EFCAB8: variants seen among roughly 807,000 people sequenced by gnomAD.
The protein encoded by EFCAB8 is EF-hand calcium binding domain 8.
A neutral mutation model predicts 116.3 loss-of-function variants in EFCAB8; 100 were observed. That is an observed-to-expected ratio of 0.86 (90% CI 0.73 to 1.02). The LOEUF (loss-of-function observed/expected upper bound fraction) is 1.02, where lower values mean the gene tolerates loss of function less well. EFCAB8 is among the 50% of genes least tolerant of loss of function. The pLI is 0.00. For missense variants in EFCAB8, 1,320 were observed against 1,416.9 expected (o/e 0.93, Z 1.10); for synonymous variants, 558 against 567.9 (o/e 0.98, Z 0.25).
In EFCAB8 at chr20:32,955,455, G is replaced by A. The variant is rs190591592; in HGVS notation, c.2960-2966G>A. Reference sequence around the variant, plus strand: ...CTCAGGAGGCTGAGGCAGGAGGATCGCTAGAGCCCAGGTGTTTGAGGTTGC... The same window carrying A: ...CTCAGGAGGCTGAGGCAGGAGGATCACTAGAGCCCAGGTGTTTGAGGTTGC... On this transcript the variant is annotated intron_variant, in intron 23 of 26. Coordinates refer to ENST00000400522, the MANE Select transcript of EFCAB8 (RefSeq NM_001143967.2). Among the ~76,000 whole-genome samples, 9 of 152,270 alleles carry A rather than the reference G, an allele frequency of 5.9e-5. No homozygotes were observed. The East Asian group carries it at 1.3e-3, about 23-fold the overall frequency.
In EFCAB8 at chr20:32,893,240, C is replaced by T. The variant is rs928272996; in HGVS notation, c.825C>T (p.Ser275=). 57 of 1,551,898 alleles carry T rather than the reference C, an allele frequency of 3.7e-5. No individual in the cohort carries two copies. The highest frequency in any genetic ancestry group is 1.7e-4 in the Middle Eastern group (1 of 6,014). Residue 275 remains serine, a synonymous_variant, in exon 9 of 27, where the codon TCC becomes TCT. Coordinates refer to ENST00000400522, the MANE Select transcript of EFCAB8 (RefSeq NM_001143967.2). ...DAKGNVIVFT[S]ENMTSGLFNP... is the part of the protein sequence containing the mutation. ...AAGGCAACGTCATTGTCTTCACCTC[C>T]GAAAACATGACCAGTGGGCTGTTCA...
At chr20:32,954,822 T>C (rs1988913886) in intron 23 of EFCAB8, among the ~76,000 whole-genome samples, 8 of 152,206 alleles carry the variant, frequency 5.3e-5, no homozygotes, top group Admixed American at 5.2e-4. Flanking sequence ...CTTTATCCTG[T>C]TGATGTGGTA....
chr20:32,889,064 C>T (rs922455730), intron 6 of EFCAB8, among the ~76,000 whole-genome samples: 4 of 151,914 alleles, frequency 2.6e-5, no homozygotes, highest in African/African-American at 9.7e-5. Flanking sequence ...TGAGACTGCT[C>T]CAGAAAGGGG....
rs758082123 is a variant in EFCAB8, at chr20:32,885,653, C to T, written c.567+13C>T. ...GAGCTCCTTTAGGGTGAGTGGGGCC[C>T]CTACACATGGTGCACACATGGGTGA... is the stretch of plus-strand genomic sequence containing the variant. On this transcript the variant is annotated intron_variant, in intron 6 of 26. Transcript: ENST00000400522. 9.0e-6 allele frequency: 14 copies of T among 1,551,508 alleles called. No homozygotes were observed. In the African/African-American group the frequency reaches 1.5e-4, roughly 17 times the overall value.
At chr20:32,896,134 G>C (rs1451671007) in intron 9 of EFCAB8, among the ~76,000 whole-genome samples, 3 of 152,170 alleles carry the variant, frequency 2.0e-5, no homozygotes, top group African/African-American at 7.2e-5. Context: ...AGCAAAGATG[G>C]AGCTCCCTAA....
At chr20:32,907,703 C>T (rs1330354779) in intron 13 of EFCAB8, among the ~76,000 whole-genome samples, 1 of 152,196 alleles carries the variant, frequency 6.6e-6, no homozygotes, top group Non-Finnish European at 1.5e-5. Context: ...GGATCATCGC[C>T]TCTGATGAAG....
intron 9 of EFCAB8, among the ~76,000 whole-genome samples, chr20:32,895,044 T>G (rs577624346): frequency 7.5e-4 from 114 of 152,372 alleles, no homozygotes; most frequent in African/African-American, 2.7e-3. Context: ...CCTTGCTGTC[T>G]CTTCCCTCCT....
At chr20:32,874,439 G>A (rs1984845927) in intron 3 of EFCAB8, among the ~76,000 whole-genome samples, 1 of 152,086 alleles carries the variant, frequency 6.6e-6, no homozygotes, top group African/African-American at 2.4e-5. Context: ...TCCCAGCCTG[G>A]TCTTGAACTC....
At chr20:32,870,658 C>G (rs1182231955) in intron 3 of EFCAB8, among the ~76,000 whole-genome samples, 1 of 151,884 alleles carries the variant, frequency 6.6e-6, no homozygotes, top group Non-Finnish European at 1.5e-5. Flanking sequence ...GCCACAATAC[C>G]TGGGTAATTT....
chr20:32,924,560 A>C (rs917727517), intron 20 of EFCAB8, among the ~76,000 whole-genome samples: 1 of 152,218 alleles, frequency 6.6e-6, no homozygotes, highest in Admixed American at 6.5e-5. Flanking sequence ...AATGAGGTGA[A>C]GTGACTTGCC....
At chr20:32,917,709 G>A (rs768685204) in intron 18 of EFCAB8, among the ~76,000 whole-genome samples, 1 of 152,170 alleles carries the variant, frequency 6.6e-6, no homozygotes, top group Non-Finnish European at 1.5e-5. Flanking sequence ...GGCACACGGA[G>A]ATGAAGCACC....
At chr20:32,878,645 C>T (rs1457393747) in intron 4 of EFCAB8, 59 bp from the exon 5 acceptor site, 1 of 1,382,226 alleles carries the variant, frequency 7.2e-7, no homozygotes. Flanking sequence ...GTTCTTGAAA[C>T]TGAAGGCTGA....
intron 19 of EFCAB8, among the ~76,000 whole-genome samples, chr20:32,919,659 G>C (rs1380837513): frequency 6.6e-6 from 1 of 151,996 alleles, no homozygotes; most frequent in Non-Finnish European, 1.5e-5. Flanking sequence ...ACTATGCCTG[G>C]CTAAATTTTT....
chr20:32,860,169 A>G lies in EFCAB8; in HGVS notation c.-11+1163A>G, dbSNP rs576917335. ...CTAAAAATACGAAAGTTAGCTGGGCATGGTGGCGTGCACCTATAATCCCAG... is the reference window on the plus strand; with the variant it reads ...CTAAAAATACGAAAGTTAGCTGGGCGTGGTGGCGTGCACCTATAATCCCAG... On this transcript the variant is annotated intron_variant, in intron 1 of 26. Transcript: ENST00000400522. Among the ~76,000 whole-genome samples, 14 of 152,296 alleles carry G rather than the reference A, an allele frequency of 9.2e-5. 1 individual carries two copies. In the East Asian group the frequency reaches 2.7e-3, roughly 29 times the overall value.
chr20:32,903,581 T>C (rs1399846143), intron 11 of EFCAB8: 2 of 152,246 alleles, frequency 1.3e-5, no homozygotes, highest in Non-Finnish European at 2.9e-5. Context: ...AACATTTTGG[T>C]GACCATTCTT....
At chr20:32,955,118 A>T (rs986616492) in intron 23 of EFCAB8, among the ~76,000 whole-genome samples, 6 of 152,158 alleles carry the variant, frequency 3.9e-5, no homozygotes, top group Admixed American at 3.9e-4. Flanking sequence ...GTGGAGATAG[A>T]GCTGTATGAT....
At chr20:32,912,495 C>G (rs1300603178) in intron 16 of EFCAB8, among the ~76,000 whole-genome samples, 1 of 151,410 alleles carries the variant, frequency 6.6e-6, no homozygotes, top group East Asian at 1.9e-4. Flanking sequence ...GGGTTGAGTA[C>G]TGCTCCAGAT....
At chr20:32,906,491 G>T in intron 11 of EFCAB8, 71 bp from the exon 12 acceptor site, 2 of 714,758 alleles carry the variant, frequency 2.8e-6, no homozygotes, top group Non-Finnish European at 5.2e-6. Context: ...TCCCACCCCA[G>T]GCTCAGTCTC....
At chr20:32,912,590 T>TA (rs1257041785) in intron 16 of EFCAB8, among the ~76,000 whole-genome samples, 1 of 152,130 alleles carries the variant, frequency 6.6e-6, no homozygotes, top group Non-Finnish European at 1.5e-5. Context: ...CATGGATGCC[T>TA]ACCCTATCTC....
Sources: gnomAD v4.1 joint callset for allele counts (sites outside exome capture counted in the v4.1 genomes callset) on GRCh38, gnomAD v4.1.1 for gene constraint, MANE v1.5 for transcripts, NCBI Gene and HGNC (gene_info 2026-07-23, HGNC 2026-07-21) for gene names.